The following MTFR1 variants were observed in gnomAD, a reference collection of about 807,000 sequenced individuals.
MTFR1 encodes the protein chondrocyte protein with a poly-proline region.
MTFR1 carries 28 observed loss-of-function variants against 38.8 expected under a neutral mutation model. The observed-to-expected ratio is 0.72, with a 90% CI of 0.53 to 0.99. The LOEUF is 0.99. Ranked by LOEUF, MTFR1 falls within the 50% of genes least tolerant of loss-of-function variation. MTFR1 has a pLI of 0.00. For missense variants in MTFR1, 358 were observed against 395.5 expected (o/e 0.91, Z 0.81); for synonymous variants, 145 against 137.0 (o/e 1.06, Z -0.41).
At chr8:65,701,466 T>C (rs1805610734) in intron 4 of MTFR1, among the ~76,000 whole-genome samples, 1 of 152,228 alleles carries the variant, frequency 6.6e-6, no homozygotes, top group South Asian at 2.1e-4. Context: ...AATTTGTTCA[T>C]TCTATATTAA....
At chr8:65,755,701 C>T (rs532133515) in intron 3 of MTFR1, among the ~76,000 whole-genome samples, 1 of 152,270 alleles carries the variant, frequency 6.6e-6, no homozygotes, top group South Asian at 2.1e-4. Context: ...TGTGTAGTAA[C>T]CTTTACCAGT....
intron 3 of MTFR1, chr8:65,747,657 C>T (rs1807739312): frequency 6.2e-7 from 1 of 1,603,522 alleles, no homozygotes; most frequent in Non-Finnish European, 8.5e-7. Flanking sequence ...CACACCTTGG[C>T]TTGTCCATTA....
chr8:65,688,185 G>A (rs1805155364), intron 3 of MTFR1, among the ~76,000 whole-genome samples: 1 of 149,488 alleles, frequency 6.7e-6, no homozygotes, highest in Non-Finnish European at 1.5e-5. Flanking sequence ...TGGATTACTT[G>A]AAGTCAGGAG....
intron 2 of MTFR1, among the ~76,000 whole-genome samples, chr8:65,678,054 A>G (rs1178293357): frequency 6.6e-6 from 1 of 151,196 alleles, no homozygotes; most frequent in African/African-American, 2.4e-5. Flanking sequence ...TTTTATGACC[A>G]TTTTCTTCTC....
chr8:65,698,072 T>C (rs1209033984), intron 4 of MTFR1, among the ~76,000 whole-genome samples: 1 of 152,106 alleles, frequency 6.6e-6, no homozygotes, highest in African/African-American at 2.4e-5. Flanking sequence ...GCTCTTTGCC[T>C]AGCCCTAGAT....
At chr8:65,727,155 T>C in intron 3 of MTFR1, 1 of 1,408,058 alleles carries the variant, frequency 7.1e-7, no homozygotes, top group South Asian at 1.2e-5. Flanking sequence ...ATCTTGATGA[T>C]AAAATTGCAC....
At chr8:65,733,106 C>G (rs534301546) in intron 3 of MTFR1, among the ~76,000 whole-genome samples, 6 of 152,102 alleles carry the variant, frequency 3.9e-5, no homozygotes, top group East Asian at 3.8e-4. Context: ...TTAATTGAAG[C>G]CTTGGGTAAA....
chr8:65,733,901 A>C (rs1317972533), intron 3 of MTFR1, among the ~76,000 whole-genome samples: 2 of 152,126 alleles, frequency 1.3e-5, no homozygotes, highest in Non-Finnish European at 2.9e-5. Flanking sequence ...ATCTAGGGAG[A>C]GAGCAGTTTT....
intron 3 of MTFR1, among the ~76,000 whole-genome samples, chr8:65,762,328 G>T (rs531354886): frequency 1.3e-5 from 2 of 152,114 alleles, no homozygotes; most frequent in South Asian, 2.1e-4. Flanking sequence ...CATTTTCTTA[G>T]AAAAAAATTT....
At chr8:65,726,976 AGGAC>A in intron 3 of MTFR1, 1 of 1,501,696 alleles carries the variant, frequency 6.7e-7, no homozygotes, top group Non-Finnish European at 9.3e-7. Context: ...TCTACAACAA[AGGAC>A]GTTTCTGAGT....
rs757212095 is a variant in MTFR1 at position 65,709,049 on chromosome 8, C to T, written c.*5C>T. ...GAAAATGTATCAGACTCCTAATAGACAATGAGCTGCGAAAAGACTCCTGGT... is the reference window on the plus strand; with the variant it reads ...GAAAATGTATCAGACTCCTAATAGATAATGAGCTGCGAAAAGACTCCTGGT... On this transcript the variant is annotated 3_prime_UTR_variant, in exon 8 of 8. Coordinates refer to ENST00000262146, the MANE Select transcript of MTFR1 (RefSeq NM_014637.4). 7.4e-6 allele frequency: 12 copies of T among 1,613,572 alleles called. No individual in the cohort carries two copies. The highest frequency in any genetic ancestry group is 1.0e-5 in the Non-Finnish European group (12 of 1,179,666).
intron 3 of MTFR1, among the ~76,000 whole-genome samples, chr8:65,769,450 T>A (rs917406112): frequency 6.6e-6 from 1 of 152,206 alleles, no homozygotes; most frequent in Non-Finnish European, 1.5e-5. Flanking sequence ...GAGAAACTAC[T>A]TCTTGGCTAG....
downstream of MTFR1, among the ~76,000 whole-genome samples, chr8:65,774,728 T>G (rs867812483): frequency 4.6e-5 from 7 of 151,946 alleles, no homozygotes; most frequent in African/African-American, 1.4e-4. Flanking sequence ...AAAAATTTAT[T>G]ACTATAAACC....
chr8:65,755,730 T>C (rs768487960), intron 3 of MTFR1, among the ~76,000 whole-genome samples: 4 of 152,258 alleles, frequency 2.6e-5, no homozygotes, highest in Admixed American at 1.3e-4. Context: ...TTTCCTCTTA[T>C]GGCTTTAGGT....
At chr8:65,713,008 C>CAGCTT (rs1364014677), downstream of MTFR1, among the ~76,000 whole-genome samples, 1 of 152,104 alleles carries the variant, frequency 6.6e-6, no homozygotes. Context: ...AATAAATGTA[C>CAGCTT]AGCTTAAAGA....
chr8:65,684,980 G>C (rs1563447727), intron 3 of MTFR1, among the ~76,000 whole-genome samples: 1 of 152,038 alleles, frequency 6.6e-6, no homozygotes, highest in Non-Finnish European at 1.5e-5. Flanking sequence ...CTCCAGCCTG[G>C]GCAATAAGAG....
At position 65,708,924 on chromosome 8, in the gene MTFR1, G is replaced by A. The variant is rs915515317; in HGVS notation, c.934-52G>A. On this transcript the variant is annotated intron_variant, in intron 7 of 7. Coordinates refer to ENST00000262146, the MANE Select transcript of MTFR1 (RefSeq NM_014637.4). Reference sequence around the variant, plus strand: ...CATGATTGGGAGGTGGGGGCGTATCGTTACTGTTACTTGAACCAATATCTT... The same window carrying A: ...CATGATTGGGAGGTGGGGGCGTATCATTACTGTTACTTGAACCAATATCTT... 38 of 1,574,520 alleles carry A rather than the reference G, an allele frequency of 2.4e-5. No individual in the cohort carries two copies. The East Asian group carries it at 4.5e-4, about 19-fold the overall frequency.
At chr8:65,664,337 A>G (rs1563437320) in intron 1 of MTFR1, among the ~76,000 whole-genome samples, 1 of 152,220 alleles carries the variant, frequency 6.6e-6, no homozygotes, top group Non-Finnish European at 1.5e-5. Context: ...GCAATGAAAA[A>G]GAACTGTAAT....
At chr8:65,686,630 A>ATAT (rs1805086161) in intron 3 of MTFR1, among the ~76,000 whole-genome samples, 1 of 147,424 alleles carries the variant, frequency 6.8e-6, no homozygotes, top group African/African-American at 2.5e-5. Context: ...TTTGAGACTA[A>ATAT]CTGAGTATGG....
Sources: gnomAD v4.1 joint callset for allele counts (sites outside exome capture counted in the v4.1 genomes callset) on GRCh38, gnomAD v4.1.1 for gene constraint, MANE v1.5 for transcripts, NCBI Gene and HGNC (gene_info 2026-07-23, HGNC 2026-07-21) for gene names.